PIK3C2A: variants seen among roughly 807,000 people sequenced by gnomAD.
PIK3C2A encodes phosphatidylinositol 4-phosphate 3-kinase C2 domain-containing subunit alpha.
A neutral mutation model predicts 204.5 loss-of-function variants in PIK3C2A; 97 were observed. The ratio of observed to expected loss-of-function variants is 0.47; its 90% confidence interval spans 0.40 to 0.56. PIK3C2A has a LOEUF of 0.56. Ranked by LOEUF, PIK3C2A falls within the 20% of genes least tolerant of loss-of-function variation. PIK3C2A has a pLI of 0.00. For missense variants in PIK3C2A, 1,735 were observed against 1,969.2 expected (o/e 0.88, Z 2.25); for synonymous variants, 653 against 664.4 (o/e 0.98, Z 0.26).
intron 31 of PIK3C2A, 36 bp from the exon 32 acceptor site, chr11:17,091,495 C>T: frequency 2.5e-6 from 4 of 1,609,474 alleles, no homozygotes; most frequent in Non-Finnish European, 2.5e-6. Flanking sequence ...AGTAATGCTT[C>T]CTACCAAGGT....
intron 1 of PIK3C2A, among the ~76,000 whole-genome samples, chr11:17,173,996 A>C (rs1487430549): frequency 1.3e-5 from 2 of 151,886 alleles, no homozygotes; most frequent in African/African-American, 4.8e-5. Flanking sequence ...AGAGACCAAA[A>C]AGTTTAGTAG....
chr11:17,144,731 C>T (rs1198343201), intron 8 of PIK3C2A, among the ~76,000 whole-genome samples: 2 of 151,690 alleles, frequency 1.3e-5, no homozygotes, highest in East Asian at 3.9e-4. Flanking sequence ...CCCATCTCTA[C>T]TAAAAAATAT....
intron 3 of PIK3C2A, among the ~76,000 whole-genome samples, chr11:17,154,828 C>A (rs1040117146): frequency 6.6e-6 from 1 of 152,154 alleles, no homozygotes; most frequent in African/African-American, 2.4e-5. Context: ...CTATCCCATC[C>A]TTCCTCTATC....
chr11:17,136,219 C>G (rs185622065), intron 9 of PIK3C2A, among the ~76,000 whole-genome samples: 5 of 152,282 alleles, frequency 3.3e-5, no homozygotes, highest in African/African-American at 7.2e-5. Context: ...AAACCCCAAA[C>G]CAACTCATTT....
intron 1 of PIK3C2A, among the ~76,000 whole-genome samples, chr11:17,186,828 C>A (rs1254997586): frequency 6.6e-6 from 1 of 152,196 alleles, no homozygotes; most frequent in Non-Finnish European, 1.5e-5. Flanking sequence ...ATAATCCCAG[C>A]ACTTTGGGAG....
chr11:17,156,854 A>T (rs992568458), intron 2 of PIK3C2A, among the ~76,000 whole-genome samples: 1 of 152,158 alleles, frequency 6.6e-6, no homozygotes, highest in Non-Finnish European at 1.5e-5. Context: ...CTGAATATCA[A>T]TGTAGCCAGG....
At chr11:17,197,808 A>G (rs1277659086) in intron 1 of PIK3C2A, among the ~76,000 whole-genome samples, 1 of 152,234 alleles carries the variant, frequency 6.6e-6, no homozygotes, top group Non-Finnish European at 1.5e-5. Flanking sequence ...AGATAACAGT[A>G]AAGCTTCTGT....
chr11:17,098,536 A>G (rs573786201), intron 26 of PIK3C2A, among the ~76,000 whole-genome samples: 3 of 152,338 alleles, frequency 2.0e-5, no homozygotes, highest in Admixed American at 2.0e-4. Flanking sequence ...GTATTTTGTT[A>G]TGGAAGTCTA....
chr11:17,161,021 A>C (rs762364417), intron 2 of PIK3C2A, among the ~76,000 whole-genome samples: 2 of 152,200 alleles, frequency 1.3e-5, no homozygotes, highest in Non-Finnish European at 2.9e-5. Flanking sequence ...AAAAGAAAAA[A>C]AATGGTAGAG....
At chr11:17,190,741 C>A (rs555237670) in intron 1 of PIK3C2A, among the ~76,000 whole-genome samples, 2 of 151,738 alleles carry the variant, frequency 1.3e-5, no homozygotes, top group African/African-American at 2.4e-5. Context: ...ATGGACTAAG[C>A]AGAAGGATTG....
intron 1 of PIK3C2A, among the ~76,000 whole-genome samples, chr11:17,177,152 C>G (rs1565293735): frequency 1.3e-5 from 2 of 151,976 alleles, no homozygotes. Flanking sequence ...TATAATTTAC[C>G]CACTATAAAT....
rs1350777791 is a variant in PIK3C2A at position 17,168,840 on chromosome 11, T to C, written c.902A>G (p.Lys301Arg). ...EEKNVSSLLA[K>R]DPWDAVLLEE... The stretch of plus-strand genomic sequence containing the variant: ...AAGAAGAACAGCATCCCAAGGATCC[T>C]TTGCTAGCAAACTTGAAACATTTTT... Residue 301 changes from lysine to arginine, a missense_variant, in exon 2 of 33, where the codon AAG (lysine) becomes AGG (arginine). By Grantham distance (26) the Lys-to-Arg change is conservative (BLOSUM62 2). Around this residue, in one of 6 missense-constraint regions of PIK3C2A, gnomAD observed 536 missense variants for 546.7 expected, o/e 0.98. Transcript: ENST00000691414. 11 of 1,614,130 alleles carry C rather than the reference T, an allele frequency of 6.8e-6. No individual in the cohort carries two copies. The highest frequency in any genetic ancestry group is 9.3e-6 in the Non-Finnish European group (11 of 1,180,002).
chr11:17,134,972 A>G lies in PIK3C2A; in HGVS notation c.1955T>C (p.Ile652Thr), dbSNP rs1431512626. The change falls in exon 11 of 33, where the codon ATT (isoleucine) becomes ACT (threonine). Residue 652 changes from isoleucine (I) to threonine (T), a missense_variant. This residue lies in a region of PIK3C2A where 567 missense variants were observed against 576.0 expected (regional missense o/e 0.98). Transcript: ENST00000691414. The stretch of plus-strand genomic sequence containing the variant: ...TGCATGGAGTCTGAGAAGATCATAA[A>G]TTGCTGCAGTTAATTGGTTTATGCT... ...QVSINQLTAA[I>T]YDLLRLHANS... is the part of the protein sequence containing the mutation. The G allele has an allele frequency of 4.3e-6, 7 of 1,614,048 alleles. No individual in the cohort carries two copies. Among genetic ancestry groups the G allele is most frequent in the Non-Finnish European group, 5.9e-6 (7 of 1,180,006 alleles).
At chr11:17,170,152 C>T (rs1268746684) in intron 1 of PIK3C2A, among the ~76,000 whole-genome samples, 2 of 152,170 alleles carry the variant, frequency 1.3e-5, no homozygotes, top group African/African-American at 4.8e-5. Context: ...GACTTAAGTG[C>T]TAGTCACATA....
At chr11:17,112,044 A>C (rs924417121) in intron 21 of PIK3C2A, among the ~76,000 whole-genome samples, 4 of 152,124 alleles carry the variant, frequency 2.6e-5, no homozygotes, top group African/African-American at 9.7e-5. Context: ...TTATATATAT[A>C]TCAAAAGTGG....
chr11:17,117,708 GTT>G (rs35485246), intron 18 of PIK3C2A, 37 bp from the exon 19 acceptor site: 9,854 of 315,374 alleles, frequency 0.031, no homozygotes, highest in East Asian at 0.048. Flanking sequence ...TCACGTCTTG[GTT>G]TTTTTTTTTT....
chr11:17,110,506 T>C lies in PIK3C2A; in HGVS notation c.3470A>G (p.Asp1157Gly). 3 of 1,608,876 alleles carry C rather than the reference T, an allele frequency of 1.9e-6. No individual in the cohort carries two copies. The highest frequency in any genetic ancestry group is 1.1e-5 in the South Asian group (1 of 90,898). ...MLALQMIKIM[D>G]KIWLKEGLDL... is the part of the protein sequence containing the mutation. ...TAGTCCTTCTTTAAGCCAGATCTTATCCATAATCTTTATCATCTGTAAAGC... is the reference window on the plus strand; with the variant it reads ...TAGTCCTTCTTTAAGCCAGATCTTACCCATAATCTTTATCATCTGTAAAGC... Residue 1157 changes from aspartate to glycine, a missense_variant, in exon 22 of 33, where the codon GAT becomes GGT. Coordinates refer to ENST00000691414, the MANE Select transcript of PIK3C2A (RefSeq NM_002645.4).
chr11:17,174,966 T>TA (rs1164033259), intron 1 of PIK3C2A, among the ~76,000 whole-genome samples: 1 of 152,200 alleles, frequency 6.6e-6, no homozygotes, highest in Non-Finnish European at 1.5e-5. Flanking sequence ...GCTACGTAGA[T>TA]ATAATTCATC....
chr11:17,206,606 C>T (rs998498158), intron 1 of PIK3C2A, among the ~76,000 whole-genome samples: 2 of 150,694 alleles, frequency 1.3e-5, no homozygotes, highest in Non-Finnish European at 3.0e-5. Context: ...AAAAAAAGAG[C>T]ACCAACCCCA....
Sources: allele counts gnomAD v4.1 joint callset (sites outside exome capture counted in the v4.1 genomes callset), GRCh38; gene constraint gnomAD v4.1.1; regional missense constraint gnomAD v4.1.1; transcripts MANE v1.5; gene names NCBI Gene and HGNC (gene_info 2026-07-23, HGNC 2026-07-21).